PDE4D: variants seen among roughly 807,000 people sequenced by gnomAD.
The protein encoded by PDE4D is 3',5'-cyclic-AMP phosphodiesterase 4D.
In PDE4D, 24 loss-of-function variants were observed where a neutral mutation model predicts 87.4. That is an observed-to-expected ratio of 0.27 (90% CI 0.20 to 0.39). The LOEUF is 0.39. Ranked by LOEUF, PDE4D falls within the 10% of genes least tolerant of loss-of-function variation. PDE4D has a pLI of 1.00. For synonymous variants in PDE4D, 384 were observed against 383.2 expected, an observed-to-expected ratio of 1.00 and a Z score of -0.02; for missense variants, 714 against 1,041.0, an observed-to-expected ratio of 0.69 and a Z score of 4.32.
intron 1 of PDE4D, chr5:59,768,186 G>A: frequency 6.4e-7 from 1 of 1,572,684 alleles, no homozygotes; most frequent in Non-Finnish European, 8.6e-7. Context: ...TTAAAGGCGC[G>A]AGAGCAGGAC....
chr5:60,486,196 A>G (rs950864279), intron 1 of PDE4D, among the ~76,000 whole-genome samples: 2 of 152,156 alleles, frequency 1.3e-5, no homozygotes, highest in African/African-American at 4.8e-5. Flanking sequence ...GACCACCTTG[A>G]GGGATGGGAT....
intron 1 of PDE4D, among the ~76,000 whole-genome samples, chr5:60,439,565 C>T (rs1745028406): frequency 1.3e-5 from 2 of 152,180 alleles, no homozygotes; most frequent in Admixed American, 1.3e-4. Flanking sequence ...AACCTTCTTT[C>T]ATCCATAAGT....
intron 1 of PDE4D, among the ~76,000 whole-genome samples, chr5:60,475,371 T>C (rs1397793625): frequency 1.3e-4 from 20 of 152,058 alleles, no homozygotes; most frequent in Admixed American, 1.2e-3. Flanking sequence ...ACACTGAGAT[T>C]TGGGGATTGC....
intron 2 of PDE4D, among the ~76,000 whole-genome samples, chr5:60,167,266 C>CTTTT (rs142613050): frequency 6.7e-4 from 58 of 86,482 alleles, no homozygotes; most frequent in Non-Finnish European, 7.3e-4. Context: ...TGTGTATTTT[C>CTTTT]TTTTTTTTTT....
At chr5:60,272,089 T>C (rs1750872055) in intron 1 of PDE4D, among the ~76,000 whole-genome samples, 1 of 152,200 alleles carries the variant, frequency 6.6e-6, no homozygotes, top group South Asian at 2.1e-4. Flanking sequence ...GCCAGGCTCC[T>C]CCTACAGAAG....
chr5:59,455,434 G>A (rs1799768710), intron 1 of PDE4D, among the ~76,000 whole-genome samples: 8 of 152,228 alleles, frequency 5.3e-5, no homozygotes, highest in Admixed American at 3.9e-4. Context: ...GTGCACAGAA[G>A]TCAAGAATTG....
chr5:59,326,858 TC>T (rs1775766015), intron 1 of PDE4D, among the ~76,000 whole-genome samples: 1 of 152,132 alleles, frequency 6.6e-6, no homozygotes, highest in South Asian at 2.1e-4. Flanking sequence ...TAAATTCCTT[TC>T]CAATTCGCAT....
At chr5:59,691,719 T>TTAA (rs1750974026) in intron 1 of PDE4D, among the ~76,000 whole-genome samples, 1 of 148,042 alleles carries the variant, frequency 6.8e-6, no homozygotes, top group South Asian at 2.1e-4. Flanking sequence ...TAAAGTATAA[T>TTAA]AAAAAAAAAA....
intron 3 of PDE4D, among the ~76,000 whole-genome samples, chr5:59,925,233 G>T (rs1315026958): frequency 2.0e-5 from 3 of 150,310 alleles, no homozygotes; most frequent in African/African-American, 7.4e-5. Context: ...AAGTAAAAGT[G>T]TAAAATTATT....
At position 59,727,488 on chromosome 5, in the gene PDE4D, T is replaced by C. The variant is rs1756772314; in HGVS notation, c.455+165680A>G. 2.0e-5 allele frequency among the ~76,000 whole-genome samples: 3 copies of C among 152,110 alleles called. No individual in the cohort carries two copies. In the South Asian group the frequency reaches 6.2e-4, roughly 31 times the overall value. ...AAAATATTGTAATGAGAACATCCAA[T>C]TACTCTTTCCACAGGAGTAAAAATT... On this transcript the variant is annotated intron_variant, in intron 1 of 14. Coordinates refer to ENST00000340635, the MANE Select transcript of PDE4D (RefSeq NM_001104631.2).
chr5:60,340,487 G>A (rs1758212400), intron 1 of PDE4D, among the ~76,000 whole-genome samples: 1 of 151,862 alleles, frequency 6.6e-6, no homozygotes, highest in Admixed American at 6.6e-5. Flanking sequence ...ACATGGTGAT[G>A]CCACAATCCT....
At chr5:59,316,763 T>C (rs551056261) in intron 1 of PDE4D, among the ~76,000 whole-genome samples, 1 of 152,300 alleles carries the variant, frequency 6.6e-6, no homozygotes, top group African/African-American at 2.4e-5. Flanking sequence ...TAGTTGACAA[T>C]GGCTGTGAAA....
chr5:60,259,140 T>C (rs1268253471), intron 1 of PDE4D, among the ~76,000 whole-genome samples: 2 of 152,074 alleles, frequency 1.3e-5, no homozygotes, highest in East Asian at 3.9e-4. Context: ...ATTTATTGAG[T>C]TCTTCCTATA....
At chr5:60,190,812 A>C (rs150994742) in intron 1 of PDE4D, among the ~76,000 whole-genome samples, 1 of 152,322 alleles carries the variant, frequency 6.6e-6, no homozygotes, top group Non-Finnish European at 1.5e-5. Flanking sequence ...ATCTACCTGT[A>C]ACCACAAGGA....
At chr5:60,513,592 A>C (rs1272249543) in intron 1 of PDE4D, among the ~76,000 whole-genome samples, 6 of 152,216 alleles carry the variant, frequency 3.9e-5, no homozygotes. Flanking sequence ...TATATAGAAC[A>C]CAGCCCTAGT....
At chr5:59,317,672 A>C (rs1486918608) in intron 1 of PDE4D, among the ~76,000 whole-genome samples, 2 of 152,164 alleles carry the variant, frequency 1.3e-5, no homozygotes, top group African/African-American at 4.8e-5. Context: ...ACAGTGAACC[A>C]GCAGAAGACT....
intron 1 of PDE4D, among the ~76,000 whole-genome samples, chr5:59,547,891 G>A (rs1257919500): frequency 3.3e-5 from 5 of 152,160 alleles, no homozygotes; most frequent in Admixed American, 3.3e-4. Flanking sequence ...TAATCCAAGT[G>A]CACACGTTTC....
chr5:60,230,094 G>T (rs79673517), intron 1 of PDE4D, among the ~76,000 whole-genome samples: 5,046 of 152,104 alleles, frequency 0.033, 278 homozygotes, highest in African/African-American at 0.12. Flanking sequence ...CATCTGGGAG[G>T]CTGTGCTGGA....
At chr5:59,258,860 A>C (rs1761465059) in intron 1 of PDE4D, among the ~76,000 whole-genome samples, 1 of 151,230 alleles carries the variant, frequency 6.6e-6, no homozygotes, top group African/African-American at 2.4e-5. Flanking sequence ...ATTTAGTTAG[A>C]AGTGATACTG....
Sources: allele counts gnomAD v4.1 joint callset (sites outside exome capture counted in the v4.1 genomes callset), GRCh38; gene constraint gnomAD v4.1.1; transcripts MANE v1.5; gene names NCBI Gene and HGNC (gene_info 2026-07-23, HGNC 2026-07-21).